Variants in KCNH8 observed in about 807,000 individuals in gnomAD.
KCNH8 encodes the protein potassium voltage-gated channel subfamily H member 8, also known as voltage-gated delayed rectifier potassium channel KCNH8.
Under a neutral mutation model 103.6 loss-of-function variants are expected in KCNH8, and 70 were observed. The observed-to-expected ratio is 0.68, with a 90% confidence interval of 0.56 to 0.82. The LOEUF is 0.82. Ranked by LOEUF, KCNH8 falls within the 40% of genes least tolerant of loss-of-function variation. The pLI is 0.00. For synonymous variants in KCNH8, 498 were observed against 489.4 expected (o/e 1.02, Z -0.23); for missense variants, 1,217 against 1,329.9 (o/e 0.92, Z 1.32).
intron 1 of KCNH8, among the ~76,000 whole-genome samples, chr3:19,217,930 A>G (rs960963996): frequency 6.6e-6 from 1 of 152,172 alleles, no homozygotes; most frequent in African/African-American, 2.4e-5. Context: ...TAGGGAGTTT[A>G]GGGATGCAGG....
chr3:19,201,289 T>C (rs1289601251), intron 1 of KCNH8, among the ~76,000 whole-genome samples: 4 of 136,614 alleles, frequency 2.9e-5, no homozygotes, highest in African/African-American at 8.5e-5. Context: ...TAAATACTTA[T>C]ATACGCTGCT....
At chr3:19,462,509 T>A (rs145603820) in intron 11 of KCNH8, among the ~76,000 whole-genome samples, 12,283 of 152,244 alleles carry the variant, frequency 0.081, 676 homozygotes, top group Non-Finnish European at 0.1. Flanking sequence ...TCTTGTAAAT[T>A]TGTTTAAGTT....
At chr3:19,470,805 CAT>C (rs2067839906) in intron 11 of KCNH8, among the ~76,000 whole-genome samples, 1 of 152,160 alleles carries the variant, frequency 6.6e-6, no homozygotes, top group African/African-American at 2.4e-5. Context: ...TCCATGCAAT[CAT>C]ATCTCAGCAA....
At chr3:19,479,766 G>T (rs1297374388) in intron 11 of KCNH8, among the ~76,000 whole-genome samples, 1 of 152,064 alleles carries the variant, frequency 6.6e-6, no homozygotes, top group Admixed American at 6.6e-5. Flanking sequence ...GAGAGTCGTG[G>T]GTTTATTTGT....
Position 19,342,723 on chromosome 3 carries a change from T to C in KCNH8, c.570+9T>C. On this transcript the variant is annotated intron_variant, in intron 4 of 15. Coordinates refer to ENST00000328405, the MANE Select transcript of KCNH8 (RefSeq NM_144633.3). ...AATTGAAAATAAATAACGTAGGTGG[T>C]ATGTGTGTACAGGATGAATGCTAGT... The C allele has an allele frequency of 6.3e-7, 1 of 1,599,932 alleles. No homozygotes were observed. The highest frequency in any genetic ancestry group is 1.1e-5 in the South Asian group (1 of 90,622).
At chr3:19,513,814 T>G (rs1272324854) in intron 13 of KCNH8, among the ~76,000 whole-genome samples, 1 of 152,122 alleles carries the variant, frequency 6.6e-6, no homozygotes, top group Non-Finnish European at 1.5e-5. Context: ...GTCTCTTCAA[T>G]AAGTAACACA....
intron 7 of KCNH8, among the ~76,000 whole-genome samples, chr3:19,424,273 A>T (rs913286186): frequency 9.9e-5 from 15 of 152,164 alleles, no homozygotes; most frequent in African/African-American, 3.6e-4. Context: ...CACACAGACC[A>T]TGGAACAGAA....
At chr3:19,489,403 T>A (rs1473575590) in intron 11 of KCNH8, among the ~76,000 whole-genome samples, 1 of 151,944 alleles carries the variant, frequency 6.6e-6, no homozygotes, top group Non-Finnish European at 1.5e-5. Flanking sequence ...CTGTGAGGGG[T>A]CTAAAACTAA....
At chr3:19,229,012 T>C (rs2063964088) in intron 1 of KCNH8, among the ~76,000 whole-genome samples, 1 of 152,234 alleles carries the variant, frequency 6.6e-6, no homozygotes, top group South Asian at 2.1e-4. Flanking sequence ...ACATTTATAA[T>C]TTCAAGTTGT....
chr3:19,229,072 T>C (rs1019613100), intron 1 of KCNH8, among the ~76,000 whole-genome samples: 1 of 152,260 alleles, frequency 6.6e-6, no homozygotes, highest in Admixed American at 6.5e-5. Flanking sequence ...TCTGTTTCTA[T>C]TTATTTGACT....
intron 7 of KCNH8, among the ~76,000 whole-genome samples, chr3:19,412,957 A>T (rs1161720160): frequency 6.6e-6 from 1 of 152,034 alleles, no homozygotes; most frequent in South Asian, 2.1e-4. Context: ...GCAGTTTGGA[A>T]ATTTCTCAAA....
chr3:19,267,974 G>A (rs1235186252), intron 2 of KCNH8, among the ~76,000 whole-genome samples: 3 of 152,124 alleles, frequency 2.0e-5, no homozygotes, highest in East Asian at 3.9e-4. Context: ...TGCTCAGTAA[G>A]TGTTAACTGT....
chr3:19,452,985 G>A (rs545643931), intron 10 of KCNH8, among the ~76,000 whole-genome samples: 21 of 152,260 alleles, frequency 1.4e-4, no homozygotes, highest in African/African-American at 4.6e-4. Context: ...GATTAAAAAT[G>A]TGGTACATAT....
Position 19,534,833 on chromosome 3 carries a change from T to TATTA in KCNH8, c.*735_*738dup, listed in dbSNP as rs1427884755. ...TGTGTATAGTAGATCAAAAATTATT[T>TATTA]ATTACTAAGAGGATGTAGTTTCCAA... On this transcript the variant is annotated 3_prime_UTR_variant, in exon 16 of 16. Coordinates refer to ENST00000328405, the MANE Select transcript of KCNH8 (RefSeq NM_144633.3). 2.6e-5 allele frequency: 4 copies of TATTA among 152,320 alleles called. No individual in the cohort carries two copies. Among genetic ancestry groups the TATTA allele is most frequent in the African/African-American group, 7.2e-5 (3 of 41,446 alleles). The allele number at this position is 152,320 out of a possible 1,614,324, so 9.4% of individuals were successfully genotyped here. A position where few individuals can be genotyped will look rare whatever the true frequency, so the allele number is the denominator to read the frequency against.
At chr3:19,309,479 A>G (rs1040431513) in intron 3 of KCNH8, among the ~76,000 whole-genome samples, 3 of 151,998 alleles carry the variant, frequency 2.0e-5, no homozygotes, top group Non-Finnish European at 4.4e-5. Flanking sequence ...GCACTCATTC[A>G]TTCAGCAGTC....
At chr3:19,367,025 G>A (rs955547498) in intron 5 of KCNH8, among the ~76,000 whole-genome samples, 1 of 152,020 alleles carries the variant, frequency 6.6e-6, no homozygotes. Flanking sequence ...AGACCCTTCA[G>A]GGTCTTGACT....
chr3:19,200,365 A>G (rs2063645443), intron 1 of KCNH8, among the ~76,000 whole-genome samples: 1 of 152,068 alleles, frequency 6.6e-6, no homozygotes. Flanking sequence ...ATAACTAATA[A>G]TAGTCTATTA....
intron 5 of KCNH8, among the ~76,000 whole-genome samples, chr3:19,375,628 G>A (rs1251349777): frequency 6.6e-6 from 1 of 152,126 alleles, no homozygotes; most frequent in Non-Finnish European, 1.5e-5. Context: ...TCTCCATCCA[G>A]CTTTGTTCCG....
chr3:19,404,821 C>T (rs1276191125), intron 7 of KCNH8, among the ~76,000 whole-genome samples: 11 of 151,768 alleles, frequency 7.2e-5, no homozygotes, highest in African/African-American at 1.7e-4. Flanking sequence ...ATCAAATAAT[C>T]GATTTATTTC....
Sources: allele counts gnomAD v4.1 joint callset (sites outside exome capture counted in the v4.1 genomes callset), GRCh38; gene constraint gnomAD v4.1.1; transcripts MANE v1.5; gene names NCBI Gene and HGNC (gene_info 2026-07-23, HGNC 2026-07-21).